The following SANBR variants were observed in gnomAD, a reference collection of about 807,000 sequenced individuals.
SANBR encodes SANT and BTB domain regulator of CSR.
In SANBR, 77 loss-of-function variants were observed where a neutral mutation model predicts 101.8. The observed-to-expected ratio is 0.76, with a 90% confidence interval of 0.63 to 0.91. SANBR has a LOEUF of 0.91. Among genes scored for constraint, SANBR ranks in the 40% least tolerant of loss-of-function variants. The pLI, the probability that SANBR is intolerant of heterozygous loss-of-function variation, is 0.00. For missense variants in SANBR, 875 were observed against 853.0 expected, an observed-to-expected ratio of 1.03 and a Z score of -0.32; for synonymous variants, 279 against 274.7, an observed-to-expected ratio of 1.02 and a Z score of -0.15.
chr2:61,080,460 C>T (rs1338173920), intron 6 of SANBR, among the ~76,000 whole-genome samples: 1 of 152,144 alleles, frequency 6.6e-6, no homozygotes, highest in Non-Finnish European at 1.5e-5. Context: ...TGGTGGCTCA[C>T]GCCTGTAATC....
Position 61,088,249 on chromosome 2 carries a change from T to G in SANBR, c.977+4T>G. ...GTAATGCAGCAACATTGTATAGGTA[T>G]GCTAACATGTTTTTTTCTTTGGTGT... On this transcript the variant is annotated splice_donor_region_variant and intron_variant, in intron 9 of 21. Coordinates refer to ENST00000402291, the MANE Select transcript of SANBR (RefSeq NM_001129993.3). 6.3e-7 allele frequency: 1 copy of G among 1,599,546 alleles called. No homozygotes were observed. The highest frequency in any genetic ancestry group is 8.5e-7 in the Non-Finnish European group (1 of 1,172,558).
intron 20 of SANBR, among the ~76,000 whole-genome samples, chr2:61,130,778 C>G (rs1201556857): frequency 6.7e-6 from 1 of 150,096 alleles, no homozygotes; most frequent in African/African-American, 2.5e-5. Context: ...GAAACCCTGT[C>G]TCTACTAAAA....
At chr2:61,137,415 C>G (rs1684884974) in intron 21 of SANBR, 1 of 152,256 alleles carries the variant, frequency 6.6e-6, no homozygotes, top group African/African-American at 2.4e-5. Context: ...TGCACACTGT[C>G]TTTACTGTAG....
chr2:61,134,034 T>G (rs1684768739), intron 20 of SANBR: 13 of 1,529,644 alleles, frequency 8.5e-6, no homozygotes, highest in Non-Finnish European at 1.2e-5. Context: ...ATCTCACCAA[T>G]TTATCCTAAC....
intron 3 of SANBR, among the ~76,000 whole-genome samples, chr2:61,071,156 A>C (rs1681443772): frequency 6.6e-6 from 1 of 152,224 alleles, no homozygotes. Flanking sequence ...CAAATATTCT[A>C]GATGTTACTC....
At chr2:61,113,638 T>C (rs1013944923) in intron 16 of SANBR, among the ~76,000 whole-genome samples, 2 of 152,236 alleles carry the variant, frequency 1.3e-5, no homozygotes, top group African/African-American at 2.4e-5. Flanking sequence ...ATGGTCAAAA[T>C]ACAATTGATG....
chr2:61,130,687 G>A (rs965613489), intron 20 of SANBR, among the ~76,000 whole-genome samples: 20 of 151,106 alleles, frequency 1.3e-4, no homozygotes, highest in African/African-American at 3.6e-4. Flanking sequence ...GGTGGCTCAC[G>A]CCTGTAATCC....
chr2:61,132,559 A>C (rs923111846), intron 20 of SANBR, among the ~76,000 whole-genome samples: 8 of 152,210 alleles, frequency 5.3e-5, no homozygotes, highest in South Asian at 2.1e-4. Context: ...AACCCTCTAC[A>C]CTGCTGATGG....
chr2:61,116,041 G>A lies in SANBR; in HGVS notation c.1807G>A (p.Ala603Thr). 1 of 1,610,594 alleles carries A rather than the reference G, an allele frequency of 6.2e-7. No homozygotes were observed. The highest frequency in any genetic ancestry group is 1.7e-5 in the Admixed American group (1 of 59,070). The change falls in exon 17 of 22, where the codon GCC becomes ACC. Residue 603 changes from alanine to threonine, a missense_variant. By Grantham distance (58) the Ala-to-Thr change is moderately conservative. Transcript: ENST00000402291. Reference sequence around the variant, plus strand: ...AAAAAAGCAGGTATCTTCACCCTGTGCCCAGAGGAAAGAAAAGGCATTGGA... The same window carrying A: ...AAAAAAGCAGGTATCTTCACCCTGTACCCAGAGGAAAGAAAAGGCATTGGA... The part of the protein sequence containing the change: ...QPKKQVSSPC[A>T]QRKEKALEKS...
chr2:61,077,176 G>A lies in SANBR; in HGVS notation c.670+18G>A, dbSNP rs1476105436. The A allele has an allele frequency of 6.5e-7, 1 of 1,533,190 alleles. No individual in the cohort carries two copies. The highest frequency in any genetic ancestry group is 9.0e-7 in the Non-Finnish European group (1 of 1,109,646). The allele number at this position is 1,533,190 out of a possible 1,614,324, so 95.0% of individuals were successfully genotyped here. On this transcript the variant is annotated intron_variant, in intron 6 of 21. Transcript: ENST00000402291. Reference sequence around the variant, plus strand: ...CACTTTAGGTAAAAAACAATCTGTTGCTTAATTTGTAGTGAAATTTGTGTG... The same window carrying A: ...CACTTTAGGTAAAAAACAATCTGTTACTTAATTTGTAGTGAAATTTGTGTG...
chr2:61,098,153 G>A (rs1010913921), intron 12 of SANBR, among the ~76,000 whole-genome samples: 2 of 149,876 alleles, frequency 1.3e-5, no homozygotes, highest in Non-Finnish European at 3.0e-5. Context: ...GCCCAGGGTG[G>A]AGTGCAGTGG....
chr2:61,133,089 TA>T (rs1007916663), intron 20 of SANBR, among the ~76,000 whole-genome samples: 1 of 152,054 alleles, frequency 6.6e-6, no homozygotes. Context: ...CAGTCTCTAC[TA>T]AAAGTACAAA....
chr2:61,084,102 C>T (rs910107330), intron 8 of SANBR, among the ~76,000 whole-genome samples: 17 of 152,102 alleles, frequency 1.1e-4, no homozygotes, highest in East Asian at 5.8e-4. Context: ...CACAGGCGCA[C>T]GCCACCATGC....
chr2:61,088,850 A>G (rs1000802774), intron 10 of SANBR: 4 of 970,106 alleles, frequency 4.1e-6, no homozygotes, highest in Admixed American at 1.2e-4. Context: ...TTTCTAGCAT[A>G]TTTATAAAAA....
chr2:61,109,667 T>C (rs1683729470), intron 16 of SANBR, among the ~76,000 whole-genome samples: 1 of 149,938 alleles, frequency 6.7e-6, no homozygotes, highest in African/African-American at 2.5e-5. Context: ...GGAAAGCATG[T>C]TTTTTTTGTG....
At chr2:61,094,638 CTTTTTTT>C (rs35061669) in intron 11 of SANBR, among the ~76,000 whole-genome samples, 4 of 79,000 alleles carry the variant, frequency 5.1e-5, no homozygotes, top group East Asian at 7.7e-4. Flanking sequence ...TATTTCTCTT[CTTTTTTT>C]TTTTTTTTTT....
At chr2:61,098,344 T>C (rs1212662308) in intron 12 of SANBR, among the ~76,000 whole-genome samples, 1 of 152,138 alleles carries the variant, frequency 6.6e-6, no homozygotes, top group Non-Finnish European at 1.5e-5. Context: ...GCTGAAGCGA[T>C]CTGCCTGCTT....
intron 6 of SANBR, among the ~76,000 whole-genome samples, chr2:61,078,677 C>G (rs747884120): frequency 1.0e-3 from 156 of 152,132 alleles, no homozygotes; most frequent in Non-Finnish European, 1.9e-3. Context: ...CCGCCTCAGC[C>G]TCCTGAAGTG....
intron 7 of SANBR, 75 bp downstream of exon 7, chr2:61,081,585 TTC>T (rs1409728104): frequency 2.2e-6 from 3 of 1,356,382 alleles, no homozygotes; most frequent in Admixed American, 2.8e-5. Flanking sequence ...ATCTAGAAAA[TTC>T]TGAGACTTTA....
Sources: gnomAD v4.1 joint callset for allele counts (sites outside exome capture counted in the v4.1 genomes callset) on GRCh38, gnomAD v4.1.1 for gene constraint, MANE v1.5 for transcripts, NCBI Gene and HGNC (gene_info 2026-07-23, HGNC 2026-07-21) for gene names.